The following WNK2 variants were observed in gnomAD, a reference collection of about 807,000 sequenced individuals.
WNK2 encodes the protein serine/threonine-protein kinase WNK2.
Under a neutral mutation model 192.1 loss-of-function variants are expected in WNK2, and 67 were observed. The ratio of observed to expected loss-of-function variants is 0.35; its 90% CI spans 0.29 to 0.43. The LOEUF (loss-of-function observed/expected upper bound fraction) is 0.43, where lower values mean the gene tolerates loss of function less well. WNK2 is among the 20% of genes least tolerant of loss of function. The pLI, the probability that WNK2 is intolerant of heterozygous loss-of-function variation, is 1.00. For missense variants in WNK2, 2,698 were observed against 3,089.7 expected, an observed-to-expected ratio of 0.87 and a Z score of 3.01; for synonymous variants, 1,439 against 1,393.9, an observed-to-expected ratio of 1.03 and a Z score of -0.72.
intron 28 of WNK2, among the ~76,000 whole-genome samples, chr9:93,314,583 C>T (rs1441195683): frequency 6.6e-6 from 1 of 152,150 alleles, no homozygotes; most frequent in Non-Finnish European, 1.5e-5. Flanking sequence ...CATTTATAAG[C>T]AATGATGCCA....
intron 9 of WNK2, among the ~76,000 whole-genome samples, chr9:93,255,290 C>T (rs1475003798): frequency 2.6e-5 from 4 of 152,194 alleles, no homozygotes; most frequent in South Asian, 2.1e-4. Context: ...GAGCAGCTGC[C>T]GTGGGGCTGC....
chr9:93,289,345 C>G lies in WNK2; in HGVS notation c.4591C>G (p.Leu1531Val). The G allele has an allele frequency of 6.2e-7, 1 of 1,609,002 alleles. No individual in the cohort carries two copies. The highest frequency in any genetic ancestry group is 8.5e-7 in the Non-Finnish European group (1 of 1,178,110). Residue 1531 changes from leucine (L) to valine (V), a missense_variant, in exon 20 of 30, where the codon CTG (leucine) becomes GTG (valine). Leu to Val is a conservative substitution (Grantham distance 32). This residue lies in a region of WNK2 where 1,098 missense variants were observed against 1,101.0 expected (regional missense o/e 1.00). Coordinates refer to ENST00000427277, the MANE Select transcript of WNK2 (RefSeq NM_006648.4). Reference sequence around the variant, plus strand: ...CGTCCCCCCACAGCCACCCTCGGCCCTGGAGTCGGATGGGGAAGGGCCGCC... The same window carrying G: ...CGTCCCCCCACAGCCACCCTCGGCCGTGGAGTCGGATGGGGAAGGGCCGCC... ...PTVPPQPPSA[L>V]ESDGEGPPPR...
intron 2 of WNK2, among the ~76,000 whole-genome samples, chr9:93,228,552 A>G (rs1047452314): frequency 6.6e-6 from 1 of 152,184 alleles, no homozygotes; most frequent in African/African-American, 2.4e-5. Flanking sequence ...TTGGTGCAAC[A>G]GAGGCAGGCA....
intron 8 of WNK2, among the ~76,000 whole-genome samples, chr9:93,249,053 G>A (rs767760291): frequency 3.3e-5 from 5 of 152,152 alleles, no homozygotes; most frequent in Admixed American, 6.5e-5. Context: ...TATGTCACTC[G>A]AACCTGCGCA....
In WNK2 at chr9:93,184,784, G is replaced by A. The variant is rs951691163; in HGVS notation, c.-2-144G>A. ...CCGTCTGCAGCCCCCCTTTCCCAGG[G>A]CCCCCAGAGACGGCCCCCGCAGGCT... is the stretch of plus-strand genomic sequence containing the variant. On this transcript the variant is annotated intron_variant, in intron 1 of 29. Coordinates refer to ENST00000427277, the MANE Select transcript of WNK2 (RefSeq NM_006648.4). 31 of 675,936 alleles carry A rather than the reference G, an allele frequency of 4.6e-5. No individual in the cohort carries two copies. In the Admixed American group the frequency reaches 8.7e-4, roughly 19 times the overall value. The allele number at this position is 675,936 out of a possible 1,614,324, so 41.9% of individuals were successfully genotyped here.
chr9:93,262,769 C>T lies in WNK2; in HGVS notation c.3410+50C>T, dbSNP rs372895680. ...GCAGGACGGGTGTAGGGGCGCAGGCCTGTACAGCCACTCAGCCTGGCTCCT... is the reference window on the plus strand; with the variant it reads ...GCAGGACGGGTGTAGGGGCGCAGGCTTGTACAGCCACTCAGCCTGGCTCCT... On this transcript the variant is annotated intron_variant, in intron 14 of 29. Coordinates refer to ENST00000427277, the MANE Select transcript of WNK2 (RefSeq NM_006648.4). 24 of 1,593,726 alleles carry T rather than the reference C, an allele frequency of 1.5e-5. No individual in the cohort carries two copies. In the African/African-American group the frequency reaches 2.9e-4, roughly 20 times the overall value.
intron 2 of WNK2, among the ~76,000 whole-genome samples, chr9:93,187,281 C>T (rs939381745): frequency 1.3e-5 from 2 of 152,162 alleles, no homozygotes; most frequent in South Asian, 2.1e-4. Flanking sequence ...GGTCTGTCCC[C>T]TGCAGGCATG....
chr9:93,228,352 T>C (rs566526355), intron 2 of WNK2, among the ~76,000 whole-genome samples: 1 of 152,312 alleles, frequency 6.6e-6, no homozygotes, highest in South Asian at 2.1e-4. Flanking sequence ...TGATGTTCTT[T>C]GGGCCTTTCC....
intron 2 of WNK2, among the ~76,000 whole-genome samples, chr9:93,206,422 C>T (rs1478064926): frequency 2.6e-5 from 4 of 152,178 alleles, no homozygotes; most frequent in Non-Finnish European, 5.9e-5. Flanking sequence ...ATGCACTTGC[C>T]CTGGCTCCAG....
At position 93,239,008 on chromosome 9, in the gene WNK2, C is replaced by T. The variant is rs2132253651; in HGVS notation, c.1322+687C>T. On this transcript the variant is annotated intron_variant, in intron 6 of 29. Coordinates refer to ENST00000427277, the MANE Select transcript of WNK2 (RefSeq NM_006648.4). The surrounding 1 kb of genome is among the most constrained non-coding windows in gnomAD (Gnocchi z 4.2). ...ACTACACAGGTGACTCTGGAGCACA[C>T]ACAGAGGAAGCCAGGCCCCAAAGAG... 6.6e-6 allele frequency among the ~76,000 whole-genome samples: 1 copy of T among 152,262 alleles called. No individual in the cohort carries two copies. The highest frequency in any genetic ancestry group is 2.1e-4 in the South Asian group (1 of 4,824).
chr9:93,311,115 G>T (rs1853572667), intron 28 of WNK2, among the ~76,000 whole-genome samples: 1 of 152,110 alleles, frequency 6.6e-6, no homozygotes, highest in South Asian at 2.1e-4. Flanking sequence ...TGGTCTCTCT[G>T]ACTTTGACTC....
intron 12 of WNK2, among the ~76,000 whole-genome samples, chr9:93,260,751 C>T (rs1216504614): frequency 2.0e-5 from 3 of 152,236 alleles, no homozygotes; most frequent in African/African-American, 4.8e-5. Flanking sequence ...AGAATCGCAT[C>T]CGTCCTGTGG....
chr9:93,294,923 C>G (rs1464511876), intron 23 of WNK2, among the ~76,000 whole-genome samples: 1 of 152,170 alleles, frequency 6.6e-6, no homozygotes, highest in Admixed American at 6.5e-5. Flanking sequence ...TTTTCAGCCT[C>G]AACTGGGAAT....
chr9:93,278,325 C>T (rs559541092), intron 19 of WNK2, among the ~76,000 whole-genome samples: 6 of 152,254 alleles, frequency 3.9e-5, no homozygotes, highest in African/African-American at 1.4e-4. Flanking sequence ...TGGATGATTT[C>T]GCAGAGCACT....
At chr9:93,294,616 G>A (rs531587683) in intron 23 of WNK2, among the ~76,000 whole-genome samples, 4 of 152,324 alleles carry the variant, frequency 2.6e-5, no homozygotes, top group Admixed American at 1.3e-4. Flanking sequence ...AAGCTTGTAG[G>A]GGGCAGGAAG....
chr9:93,274,515 C>CAAAAAAAAAAAAA (rs67350876), intron 19 of WNK2, among the ~76,000 whole-genome samples: 5 of 118,396 alleles, frequency 4.2e-5, no homozygotes, highest in African/African-American at 1.0e-4. Flanking sequence ...CCGTCTCAAC[C>CAAAAAAAAAAAAA]AAAAAAAAAA....
intron 16 of WNK2, among the ~76,000 whole-genome samples, chr9:93,266,360 C>T (rs1200127337): frequency 1.3e-5 from 2 of 152,116 alleles, no homozygotes; most frequent in South Asian, 2.1e-4. Flanking sequence ...ATTTAATTGG[C>T]GTGGATTCTA....
chr9:93,185,144 A>G lies in WNK2; in HGVS notation c.215A>G (p.Gln72Arg). The G allele has an allele frequency of 1.5e-6, 2 of 1,297,808 alleles. No homozygotes were observed. Among genetic ancestry groups the G allele is most frequent in the Non-Finnish European group, 2.0e-6 (2 of 1,016,600 alleles). 80.4% of individuals were successfully genotyped at this position (1,297,808 alleles called of 1,614,324 possible). A position where few individuals can be genotyped will look rare whatever the true frequency, so the allele number is the denominator to read the frequency against. Residue 72 changes from glutamine to arginine, a missense_variant, in exon 2 of 30, where the codon CAG becomes CGG. Coordinates refer to ENST00000427277, the MANE Select transcript of WNK2 (RefSeq NM_006648.4). ...GGCCCGCAGCCCCCGCAGCCCCTGCAGCGCCGGGTGCTTCTGCTCTGCAAG... is the reference window on the plus strand; with the variant it reads ...GGCCCGCAGCCCCCGCAGCCCCTGCGGCGCCGGGTGCTTCTGCTCTGCAAG... ...APGPQPPQPL[Q>R]RRVLLLCKTR...
At chr9:93,254,155 G>A (rs1174246155) in intron 9 of WNK2, among the ~76,000 whole-genome samples, 2 of 152,162 alleles carry the variant, frequency 1.3e-5, no homozygotes, top group East Asian at 3.9e-4. Context: ...GACCTCAGGT[G>A]ATCCTCCCTC....
Sources: allele counts gnomAD v4.1 joint callset (sites outside exome capture counted in the v4.1 genomes callset), GRCh38; gene constraint gnomAD v4.1.1; regional missense constraint gnomAD v4.1.1; non-coding constraint Gnocchi (gnomAD v3.1); transcripts MANE v1.5; gene names NCBI Gene and HGNC (gene_info 2026-07-23, HGNC 2026-07-21).